KCTD19: variants seen among roughly 807,000 people sequenced by gnomAD.
KCTD19 encodes BTB/POZ domain-containing protein KCTD19.
KCTD19 carries 67 observed loss-of-function variants against 103.5 expected under a neutral mutation model. The ratio of observed to expected loss-of-function variants is 0.65; its 90% CI spans 0.53 to 0.79. The LOEUF is 0.79. KCTD19 is among the 30% of genes least tolerant of loss of function. KCTD19 has a pLI of 0.00. For synonymous variants in KCTD19, 439 were observed against 452.2 expected, an observed-to-expected ratio of 0.97 and a Z score of 0.37; for missense variants, 980 against 1,136.1, an observed-to-expected ratio of 0.86 and a Z score of 1.98.
intron 5 of KCTD19, 144 bp from the exon 6 acceptor site, chr16:67,299,717 A>G: frequency 1.6e-6 from 1 of 626,362 alleles, no homozygotes; most frequent in East Asian, 2.9e-5. Flanking sequence ...CCAAATCAAG[A>G]TCTTCTCAAA....
chr16:67,310,100 C>T (rs2036934475), intron 2 of KCTD19, among the ~76,000 whole-genome samples: 1 of 152,216 alleles, frequency 6.6e-6, no homozygotes, highest in South Asian at 2.1e-4. Context: ...AATACTTGCT[C>T]TGACTTCTAG....
intron 2 of KCTD19, among the ~76,000 whole-genome samples, chr16:67,308,629 C>T (rs1175970828): frequency 6.6e-6 from 1 of 152,084 alleles, no homozygotes; most frequent in African/African-American, 2.4e-5. Flanking sequence ...CCATTCTCTT[C>T]CTGAAGAGCC....
At chr16:67,297,693 ACAT>A (rs770975630) in intron 6 of KCTD19, 30 bp from the exon 7 acceptor site, 5 of 1,608,346 alleles carry the variant, frequency 3.1e-6, no homozygotes, top group Non-Finnish European at 4.2e-6. Flanking sequence ...GTCATGAAGA[ACAT>A]CAGCATTGTA....
intron 2 of KCTD19, among the ~76,000 whole-genome samples, chr16:67,313,640 G>A (rs992493213): frequency 2.0e-5 from 3 of 151,868 alleles, no homozygotes; most frequent in African/African-American, 7.3e-5. Context: ...CCAGGCTGGA[G>A]TGCAGTGGCA....
rs1567447326 is a variant in KCTD19 at position 67,293,991 on chromosome 16, A to T, written c.1771T>A (p.Cys591Ser). 1 of 1,614,150 alleles carries T rather than the reference A, an allele frequency of 6.2e-7. No homozygotes were observed. The highest frequency in any genetic ancestry group is 1.1e-5 in the South Asian group (1 of 91,082). Residue 591 changes from cysteine to serine, a missense_variant, in exon 12 of 16, where the codon TGC becomes AGC. Cys to Ser is a moderately radical substitution (Grantham distance 112). Coordinates refer to ENST00000304372, the MANE Select transcript of KCTD19 (RefSeq NM_001100915.3). This position sits in a 1 kb window ranked among gnomAD's most constrained non-coding sequence, Gnocchi z 4.0. ...RAGNPSTYSH[C>S]RGLCTNPGHW... The stretch of plus-strand genomic sequence containing the variant: ...CCAGGATTGGTACACAAGCCACGGC[A>T]GTGTGAGTATGTGCTAGGGTTGCCA...
intron 2 of KCTD19, among the ~76,000 whole-genome samples, chr16:67,312,110 C>T (rs1195284076): frequency 6.6e-6 from 1 of 152,150 alleles, no homozygotes; most frequent in Non-Finnish European, 1.5e-5. Context: ...ACAAGTGGAA[C>T]AATTTAAAGT....
intron 1 of KCTD19, among the ~76,000 whole-genome samples, chr16:67,321,169 A>C (rs908141548): frequency 6.6e-6 from 1 of 152,208 alleles, no homozygotes; most frequent in African/African-American, 2.4e-5. Context: ...CTGGCCTAAC[A>C]GAGCAAGATC....
Position 67,296,177 on chromosome 16 carries a change from G to A in KCTD19, c.1230C>T (p.Thr410=). 3 of 1,610,062 alleles carry A rather than the reference G, an allele frequency of 1.9e-6. No individual in the cohort carries two copies. The highest frequency in any genetic ancestry group is 2.6e-6 in the Non-Finnish European group (3 of 1,176,302). ...TCAGTACCTTCAGCAGTGTCTGCAGGGTGGTTGCGTACCAGTGGCTTCCAA... is the reference window on the plus strand; with the variant it reads ...TCAGTACCTTCAGCAGTGTCTGCAGAGTGGTTGCGTACCAGTGGCTTCCAA... ...VYVGSHWYAT[T]LQTLLKYPEL... Residue 410 remains threonine, a synonymous_variant, in exon 8 of 16, where the codon ACC becomes ACT. Coordinates refer to ENST00000304372, the MANE Select transcript of KCTD19 (RefSeq NM_001100915.3).
intron 11 of KCTD19, 38 bp from the exon 12 acceptor site, chr16:67,294,209 G>A: frequency 6.4e-7 from 1 of 1,570,406 alleles, no homozygotes; most frequent in Non-Finnish European, 8.7e-7. Flanking sequence ...GGATAGGTTG[G>A]GCATGGACAT....
chr16:67,296,694 A>C (rs763392058), intron 7 of KCTD19, among the ~76,000 whole-genome samples: 1 of 152,208 alleles, frequency 6.6e-6, no homozygotes, highest in African/African-American at 2.4e-5. Context: ...TATGAGACTA[A>C]GCCTCTAGGC....
Position 67,291,717 on chromosome 16 carries a change from T to C in KCTD19, c.2339A>G (p.Asp780Gly). The C allele has an allele frequency of 2.5e-6, 4 of 1,614,042 alleles. No homozygotes were observed. Among genetic ancestry groups the C allele is most frequent in the Non-Finnish European group, 3.4e-6 (4 of 1,179,992 alleles). ...GSDGFCMFFE[D>G]SIIYTTEMDN... is the part of the protein sequence containing the mutation. ...CATCTCCGTGGTATAGATGATGCTG[T>C]CCTCAAAGAACATGCAGAAGCCATC... The change falls in exon 13 of 16, where the codon GAC becomes GGC. Residue 780 changes from aspartate (D) to glycine (G), a missense_variant. Transcript: ENST00000304372.
In KCTD19 at chr16:67,293,774, A is replaced by G; in HGVS notation, c.1988T>C (p.Leu663Ser). 1 of 1,613,818 alleles carries G rather than the reference A, an allele frequency of 6.2e-7. No homozygotes were observed. The highest frequency in any genetic ancestry group is 8.5e-7 in the Non-Finnish European group (1 of 1,179,998). The change falls in exon 12 of 16, where the codon TTG (leucine) becomes TCG (serine). Residue 663 changes from leucine to serine, a missense_variant. Leu to Ser is a moderately radical substitution (Grantham distance 145). Transcript: ENST00000304372. The surrounding 1 kb of genome is among the most constrained non-coding windows in gnomAD (Gnocchi z 4.0). ...QPLTATRSSP[L>S]EEATLQLPLG... is the part of the protein sequence containing the mutation. ...GGGGAGCTGCAGGGTGGCCTCCTCC[A>G]AGGGGCTGCTCCGTGTGGCTGTCAG...
Position 67,303,474 on chromosome 16 carries a change from C to A in KCTD19, c.452-137G>T, listed in dbSNP as rs566996410. Reference sequence around the variant, plus strand: ...GATATGGTCCTTGCCACTTGCCAGACACATCTTCCTTCTTTATCTTTTCAG... The same window carrying A: ...GATATGGTCCTTGCCACTTGCCAGAAACATCTTCCTTCTTTATCTTTTCAG... On this transcript the variant is annotated intron_variant, in intron 3 of 15. Transcript: ENST00000304372. The surrounding 1 kb of genome is among the most constrained non-coding windows in gnomAD (Gnocchi z 4.3). The A allele has an allele frequency of 9.9e-6, 6 of 608,188 alleles. No individual in the cohort carries two copies. The South Asian group carries it at 1.1e-4, about 12-fold the overall frequency. The allele number at this position is 608,188 out of a possible 1,614,324, so 37.7% of individuals were successfully genotyped here. A position where few individuals can be genotyped will look rare whatever the true frequency, so the allele number is the denominator to read the frequency against.
chr16:67,291,319 T>A lies in KCTD19; in HGVS notation c.2555A>T (p.Asn852Ile), dbSNP rs1411291681. 6.2e-7 allele frequency: 1 copy of A among 1,613,338 alleles called. No homozygotes were observed. ...GCCTGTCACACATACCCACAGCCGATTGGCCAGGGAGACCACCTTGGCTGT... is the reference window on the plus strand; with the variant it reads ...GCCTGTCACACATACCCACAGCCGAATGGCCAGGGAGACCACCTTGGCTGT... ...AITAKVVSLANRLWTLHISPK... is the reference protein window; with the variant it reads ...AITAKVVSLAIRLWTLHISPK... Residue 852 changes from asparagine (N) to isoleucine (I), a missense_variant, in exon 14 of 16, where the codon AAT becomes ATT. By Grantham distance (149) the Asn-to-Ile change is moderately radical. Transcript: ENST00000304372.
In KCTD19 at chr16:67,325,200, TTTTTTTC is replaced by T. The variant is rs1476912259; in HGVS notation, c.3+1498_3+1504del. The stretch of plus-strand genomic sequence containing the variant: ...TTTCTTTCTTTTTTTTCTTTTTTTC[TTTTTTTC>T]TTTTTTTTTTTTTTTGAGACGGAGT... On this transcript the variant is annotated intron_variant, in intron 1 of 15. Transcript: ENST00000304372. Among the ~76,000 whole-genome samples the T allele has an allele frequency of 1.5e-3, 185 of 122,980 alleles. 1 individual carries two copies. Among genetic ancestry groups the T allele is most frequent in the African/African-American group, 6.4e-3 (142 of 22,016 alleles). The allele number at this position is 122,980 out of a possible 152,430, so 80.7% of individuals were successfully genotyped here. A position where few individuals can be genotyped will look rare whatever the true frequency, so the allele number is the denominator to read the frequency against.
Position 67,303,294 on chromosome 16 carries a change from C to G in KCTD19, c.495G>C (p.Leu165=), listed in dbSNP as rs376584280. ...KAPLGLMDTP[L]LDTEEEVHYC... ...AGTGCACCTCCTCTTCTGTGTCTAA[C>G]AGGGGTGTGTCCATGAGCCCCAGAG... Residue 165 remains leucine (L), a synonymous_variant, in exon 4 of 16, where the codon CTG becomes CTC. Transcript: ENST00000304372. This position sits in a 1 kb window ranked among gnomAD's most constrained non-coding sequence, Gnocchi z 4.3. The G allele has an allele frequency of 6.2e-7, 1 of 1,614,044 alleles. No individual in the cohort carries two copies. Among genetic ancestry groups the G allele is most frequent in the Non-Finnish European group, 8.5e-7 (1 of 1,179,960 alleles).
intron 12 of KCTD19, among the ~76,000 whole-genome samples, chr16:67,292,888 C>T (rs1242933938): frequency 1.3e-5 from 2 of 152,218 alleles, no homozygotes; most frequent in African/African-American, 4.8e-5. Flanking sequence ...TATCCACCCC[C>T]TTGCAGTCCC....
chr16:67,311,102 A>G (rs1226976132), intron 2 of KCTD19, among the ~76,000 whole-genome samples: 1 of 152,194 alleles, frequency 6.6e-6, no homozygotes, highest in Non-Finnish European at 1.5e-5. Context: ...GTACTGTGAG[A>G]GGTGCTAGGT....
At chr16:67,316,235 C>T (rs1163216069) in intron 2 of KCTD19, among the ~76,000 whole-genome samples, 1 of 151,138 alleles carries the variant, frequency 6.6e-6, no homozygotes, top group East Asian at 2.0e-4. Context: ...GTAGAGACAG[C>T]TTTTGCCATG....
Sources: gnomAD v4.1 joint callset for allele counts (sites outside exome capture counted in the v4.1 genomes callset) on GRCh38, gnomAD v4.1.1 for gene constraint, Gnocchi (gnomAD v3.1) non-coding constraint, MANE v1.5 for transcripts, NCBI Gene and HGNC (gene_info 2026-07-23, HGNC 2026-07-21) for gene names.